Variants in AHCYL2 observed in about 807,000 individuals in gnomAD.
AHCYL2 encodes the protein adenosylhomocysteinase like 2.
Under a neutral mutation model 81.4 loss-of-function variants are expected in AHCYL2, and 28 were observed. The ratio of observed to expected loss-of-function variants is 0.34; its 90% CI spans 0.25 to 0.47. The LOEUF is 0.47. Ranked by LOEUF, AHCYL2 falls within the 20% of genes least tolerant of loss-of-function variation. The pLI is 1.00. For synonymous variants in AHCYL2, 272 were observed against 290.2 expected (o/e 0.94, Z 0.64); for missense variants, 551 against 785.1 (o/e 0.70, Z 3.56).
rs748531375 is a variant in AHCYL2 at position 129,426,502 on chromosome 7, G to T, written c.1768G>T (p.Asp590Tyr). The change falls in exon 16 of 17, where the codon GAT becomes TAT. Residue 590 changes from aspartate (D) to tyrosine (Y), a missense_variant. Physicochemically the swap from Asp to Tyr is radical, Grantham distance 160 (BLOSUM62 -3). Coordinates refer to ENST00000325006, the MANE Select transcript of AHCYL2 (RefSeq NM_015328.4). This position sits in a 1 kb window ranked among gnomAD's most constrained non-coding sequence, Gnocchi z 4.3. ...TGATGCCCACTTGACAGAGCTGACAGATGAACAGGCCAAGTATCTGGGACT... is the reference window on the plus strand; with the variant it reads ...TGATGCCCACTTGACAGAGCTGACATATGAACAGGCCAAGTATCTGGGACT... ...TFDAHLTELT[D>Y]EQAKYLGLNK... 1 of 1,614,108 alleles carries T rather than the reference G, an allele frequency of 6.2e-7. No homozygotes were observed. The highest frequency in any genetic ancestry group is 8.5e-7 in the Non-Finnish European group (1 of 1,179,984).
chr7:129,314,756 C>G (rs1330353067), intron 1 of AHCYL2, among the ~76,000 whole-genome samples: 1 of 152,144 alleles, frequency 6.6e-6, no homozygotes, highest in Admixed American at 6.5e-5. Flanking sequence ...AGGACACACT[C>G]TAGGCACTGA....
At chr7:129,409,443 T>G (rs1242548306) in intron 10 of AHCYL2, 33 bp from the exon 11 acceptor site, 1 of 1,592,274 alleles carries the variant, frequency 6.3e-7, no homozygotes, top group Middle Eastern at 1.7e-4. Flanking sequence ...CAGCTGCCTG[T>G]TTAGGTTAAT....
intron 1 of AHCYL2, among the ~76,000 whole-genome samples, chr7:129,284,436 T>C (rs1796555133): frequency 6.6e-6 from 1 of 151,594 alleles, no homozygotes; most frequent in Non-Finnish European, 1.5e-5. Flanking sequence ...CCATCTCTAA[T>C]AAAAATAAAA....
chr7:129,331,293 G>A (rs1185569215), intron 1 of AHCYL2, among the ~76,000 whole-genome samples: 1 of 152,070 alleles, frequency 6.6e-6, no homozygotes, highest in African/African-American at 2.4e-5. Context: ...TTTTGACGTA[G>A]AGTTCTACTT....
intron 1 of AHCYL2, among the ~76,000 whole-genome samples, chr7:129,269,676 C>T (rs551321830): frequency 1.3e-5 from 2 of 152,240 alleles, no homozygotes; most frequent in South Asian, 4.2e-4. Context: ...GCTCAAGCAG[C>T]CCTCCTGCCT....
At chr7:129,397,367 T>A in intron 5 of AHCYL2, 43 bp downstream of exon 5, 1 of 1,536,300 alleles carries the variant, frequency 6.5e-7, no homozygotes. Context: ...GTAAGTCTAT[T>A]TGGAGACTTA....
intron 1 of AHCYL2, among the ~76,000 whole-genome samples, chr7:129,226,674 A>G (rs1484850922): frequency 2.0e-5 from 3 of 152,338 alleles, no homozygotes; most frequent in African/African-American, 7.2e-5. Context: ...TAACGATACA[A>G]ATTTAGGTGA....
At chr7:129,267,471 A>G (rs1056934611) in intron 1 of AHCYL2, among the ~76,000 whole-genome samples, 1 of 151,738 alleles carries the variant, frequency 6.6e-6, no homozygotes, top group Non-Finnish European at 1.5e-5. Context: ...TGCCTGGCTA[A>G]TTTTTGTATT....
At chr7:129,278,987 C>T (rs895075849) in intron 1 of AHCYL2, among the ~76,000 whole-genome samples, 4 of 152,098 alleles carry the variant, frequency 2.6e-5, no homozygotes, top group Admixed American at 1.3e-4. Flanking sequence ...GTCTTAAAAA[C>T]TGATAGAGGT....
chr7:129,350,444 C>G (rs1052160922), intron 1 of AHCYL2, among the ~76,000 whole-genome samples: 9 of 149,016 alleles, frequency 6.0e-5, no homozygotes, highest in Non-Finnish European at 8.9e-5. Flanking sequence ...AGTGCAATGG[C>G]GTGGTCTCAG....
chr7:129,304,873 T>C (rs976350423), intron 1 of AHCYL2, among the ~76,000 whole-genome samples: 4 of 152,094 alleles, frequency 2.6e-5, no homozygotes, highest in Non-Finnish European at 4.4e-5. Context: ...GTTTAGTCCA[T>C]TTACATTCAA....
At chr7:129,412,368 C>T (rs1584900887) in intron 11 of AHCYL2, among the ~76,000 whole-genome samples, 1 of 151,400 alleles carries the variant, frequency 6.6e-6, no homozygotes, top group African/African-American at 2.4e-5. Flanking sequence ...GCAACTTCCA[C>T]CTCCCGTGTG....
chr7:129,328,819 T>TAA (rs1219918483), intron 1 of AHCYL2, among the ~76,000 whole-genome samples: 1 of 152,180 alleles, frequency 6.6e-6, no homozygotes, highest in Non-Finnish European at 1.5e-5. Flanking sequence ...GCTGCATACC[T>TAA]AACATTTTTC....
At chr7:129,350,766 G>A (rs1465951767) in intron 1 of AHCYL2, among the ~76,000 whole-genome samples, 2 of 145,414 alleles carry the variant, frequency 1.4e-5, no homozygotes, top group Admixed American at 7.0e-5. Flanking sequence ...CTGTTACTCA[G>A]GCTCTCAGCT....
chr7:129,363,411 C>A (rs1351313126), intron 1 of AHCYL2, among the ~76,000 whole-genome samples: 2 of 152,048 alleles, frequency 1.3e-5, no homozygotes, highest in Admixed American at 1.3e-4. Flanking sequence ...ATTTCCATTT[C>A]AGAATTGTTG....
chr7:129,248,967 A>T (rs1428747253), intron 1 of AHCYL2, among the ~76,000 whole-genome samples: 1 of 151,530 alleles, frequency 6.6e-6, no homozygotes, highest in Non-Finnish European at 1.5e-5. Context: ...CAATTTTTTA[A>T]AATTGTGGTA....
intron 1 of AHCYL2, among the ~76,000 whole-genome samples, chr7:129,330,264 C>T (rs1798370827): frequency 1.3e-5 from 2 of 152,240 alleles, no homozygotes; most frequent in Admixed American, 6.5e-5. Context: ...TCCCAAAGTA[C>T]TGGGATTTTA....
intron 1 of AHCYL2, among the ~76,000 whole-genome samples, chr7:129,239,280 T>C (rs1348026183): frequency 6.6e-6 from 1 of 152,190 alleles, no homozygotes; most frequent in East Asian, 1.9e-4. Flanking sequence ...GAAGCATTGG[T>C]TATCACCTGG....
At chr7:129,378,309 TAA>T (rs34119954) in intron 1 of AHCYL2, among the ~76,000 whole-genome samples, 1 of 146,392 alleles carries the variant, frequency 6.8e-6, no homozygotes. Context: ...AGACTCCATC[TAA>T]AAAAAAAAAA....
Sources: gnomAD v4.1 joint callset for allele counts (sites outside exome capture counted in the v4.1 genomes callset) on GRCh38, gnomAD v4.1.1 for gene constraint, Gnocchi (gnomAD v3.1) non-coding constraint, MANE v1.5 for transcripts, NCBI Gene and HGNC (gene_info 2026-07-23, HGNC 2026-07-21) for gene names.